The following VTCN1 variants were observed in gnomAD, a reference collection of about 807,000 sequenced individuals.
The protein encoded by VTCN1 is V-set domain-containing T-cell activation inhibitor 1.
A neutral mutation model predicts 26.5 loss-of-function variants in VTCN1; 26 were observed. The ratio of observed to expected loss-of-function variants is 0.98; its 90% CI spans 0.72 to 1.36. VTCN1 has a LOEUF of 1.36. Among genes scored for constraint, VTCN1 ranks in the 40% most tolerant of loss-of-function variants. The pLI is 0.00. For synonymous variants in VTCN1, 116 were observed against 130.7 expected (o/e 0.89, Z 0.77); for missense variants, 298 against 337.7 (o/e 0.88, Z 0.92).
intron 1 of VTCN1, among the ~76,000 whole-genome samples, chr1:117,205,089 ATG>A (rs1329051692): frequency 3.5e-4 from 2 of 5,794 alleles, no homozygotes; most frequent in East Asian, 0.019. Flanking sequence ...ATGTATATGT[ATG>A]TATGTATATG....
At chr1:117,196,984 T>C (rs1210507266) in intron 1 of VTCN1, among the ~76,000 whole-genome samples, 1 of 152,198 alleles carries the variant, frequency 6.6e-6, no homozygotes, top group African/African-American at 2.4e-5. Context: ...GCCACCATCT[T>C]GCAGCTCACT....
chr1:117,192,961 ATAT>A (rs1648317077), intron 1 of VTCN1, among the ~76,000 whole-genome samples: 1 of 152,124 alleles, frequency 6.6e-6, no homozygotes, highest in South Asian at 2.1e-4. Flanking sequence ...TATGTATCAA[ATAT>A]TAATATATTA....
At chr1:117,178,782 GGTTTCACTAT>G in intron 1 of VTCN1, among the ~76,000 whole-genome samples, 1 of 151,718 alleles carries the variant, frequency 6.6e-6, no homozygotes, top group South Asian at 2.1e-4. Context: ...GTAGAGACAG[GGTTTCACTAT>G]GTGGCCCAAG....
chr1:117,198,246 T>C (rs999397805), intron 1 of VTCN1, among the ~76,000 whole-genome samples: 1 of 152,190 alleles, frequency 6.6e-6, no homozygotes, highest in Non-Finnish European at 1.5e-5. Flanking sequence ...TGCACAGTGA[T>C]GTCAAAATGC....
At chr1:117,171,270 T>C (rs1652905134) in intron 1 of VTCN1, among the ~76,000 whole-genome samples, 1 of 152,226 alleles carries the variant, frequency 6.6e-6, no homozygotes, top group Non-Finnish European at 1.5e-5. Context: ...ACATTTGGGT[T>C]GGTTCCAAGT....
chr1:117,180,420 C>T (rs1647618751), intron 1 of VTCN1, among the ~76,000 whole-genome samples: 1 of 152,150 alleles, frequency 6.6e-6, no homozygotes, highest in African/African-American at 2.4e-5. Flanking sequence ...GTAATCATAC[C>T]TGTGTTTCCT....
At chr1:117,174,554 G>T (rs889704030) in intron 1 of VTCN1, among the ~76,000 whole-genome samples, 4 of 152,184 alleles carry the variant, frequency 2.6e-5, no homozygotes, top group Non-Finnish European at 4.4e-5. Context: ...ATTACCTGAG[G>T]TCAGGAGTTC....
chr1:117,183,604 C>T lies in VTCN1; in HGVS notation c.33-13433G>A, dbSNP rs954520414. Among the ~76,000 whole-genome samples the T allele has an allele frequency of 6.6e-6, 1 of 152,238 alleles. No homozygotes were observed. The highest frequency in any genetic ancestry group is 2.4e-5 in the African/African-American group (1 of 41,542). On this transcript the variant is annotated intron_variant, in intron 1 of 5. Coordinates refer to ENST00000369458, the MANE Select transcript of VTCN1 (RefSeq NM_024626.4). The surrounding 1 kb of genome is among the most constrained non-coding windows in gnomAD (Gnocchi z 4.1). ...GACCTAGAGATTCATAATAGCTGTG[C>T]TTGAATACTTGTTAAACTTGAGTCC...
intron 2 of VTCN1, 77 bp from the exon 3 acceptor site, chr1:117,156,998 C>T: frequency 6.2e-7 from 1 of 1,607,550 alleles, no homozygotes; most frequent in Non-Finnish European, 8.5e-7. Flanking sequence ...TTGCTGAAAG[C>T]CAGACAGAGA....
At chr1:117,187,235 C>A (rs978462178) in intron 1 of VTCN1, among the ~76,000 whole-genome samples, 5 of 140,584 alleles carry the variant, frequency 3.6e-5, no homozygotes, top group Non-Finnish European at 6.0e-5. Context: ...TGCTTGAGCC[C>A]AGGAGGCAGA....
chr1:117,185,945 C>T (rs1304040310), intron 1 of VTCN1, among the ~76,000 whole-genome samples: 1 of 152,200 alleles, frequency 6.6e-6, no homozygotes, highest in Non-Finnish European at 1.5e-5. Flanking sequence ...ACCCTAACCA[C>T]CTTGGGCACA....
At chr1:117,177,004 C>G (rs989391349) in intron 1 of VTCN1, among the ~76,000 whole-genome samples, 12 of 152,086 alleles carry the variant, frequency 7.9e-5, no homozygotes, top group African/African-American at 2.9e-4. Context: ...GAGGCTGAGG[C>G]AGGATAATCG....
At chr1:117,207,581 T>A (rs2101612845) in intron 1 of VTCN1, among the ~76,000 whole-genome samples, 1 of 152,240 alleles carries the variant, frequency 6.6e-6, no homozygotes, top group Non-Finnish European at 1.5e-5. Context: ...CTATTGACAC[T>A]AGATGTCTAT....
rs558987466 is a variant in VTCN1, at chr1:117,175,646, C to T, written c.33-5475G>A. On this transcript the variant is annotated intron_variant, in intron 1 of 5. Transcript: ENST00000369458. This position sits in a 1 kb window ranked among gnomAD's most constrained non-coding sequence, Gnocchi z 4.2. The stretch of plus-strand genomic sequence containing the variant: ...GTCCATGTTGTCCTGCCATCATTCC[C>T]GTTTTGCAACCACACATGAGCTCAT... 7.9e-4 allele frequency among the ~76,000 whole-genome samples: 120 copies of T among 152,262 alleles called. No homozygotes were observed. The Middle Eastern group carries it at 0.017, about 22-fold the overall frequency.
At chr1:117,165,869 C>A (rs894359428) in intron 2 of VTCN1, among the ~76,000 whole-genome samples, 2 of 152,160 alleles carry the variant, frequency 1.3e-5, no homozygotes, top group African/African-American at 4.8e-5. Context: ...TTATTGAATT[C>A]ATTTAAAATG....
chr1:117,161,407 C>A lies in VTCN1; in HGVS notation c.98-4486G>T, dbSNP rs1652363108. On this transcript the variant is annotated intron_variant, in intron 2 of 5. Coordinates refer to ENST00000369458, the MANE Select transcript of VTCN1 (RefSeq NM_024626.4). The surrounding 1 kb of genome is among the most constrained non-coding windows in gnomAD (Gnocchi z 4.3). The stretch of plus-strand genomic sequence containing the variant: ...TCCCATGAAATCCTCTTTTAATTCA[C>A]CAAAGGAAAAATTAGTAGATTCTCT... Among the ~76,000 whole-genome samples the A allele has an allele frequency of 6.6e-6, 1 of 152,154 alleles. No individual in the cohort carries two copies. The highest frequency in any genetic ancestry group is 2.4e-5 in the African/African-American group (1 of 41,436).
At chr1:117,203,004 T>C (rs1157455987) in intron 1 of VTCN1, among the ~76,000 whole-genome samples, 2 of 151,980 alleles carry the variant, frequency 1.3e-5, no homozygotes, top group African/African-American at 4.8e-5. Flanking sequence ...AGAGGAGAGA[T>C]TGATGATGTC....
In VTCN1 at chr1:117,170,175, C is replaced by A. The variant is rs374191577; in HGVS notation, c.33-4G>T. 3 of 1,613,294 alleles carry A rather than the reference C, an allele frequency of 1.9e-6. No homozygotes were observed. The highest frequency in any genetic ancestry group is 1.7e-5 in the Admixed American group (1 of 60,004). On this transcript the variant is annotated splice_region_variant and splice_polypyrimidine_tract_variant and intron_variant, in intron 1 of 5. Transcript: ENST00000369458. Reference sequence around the variant, plus strand: ...AATAATGATGATGCTAATTATGCTACGGGAAGAGAGAGAGAAACAGAAAAT... The same window carrying A: ...AATAATGATGATGCTAATTATGCTAAGGGAAGAGAGAGAGAAACAGAAAAT...
intron 2 of VTCN1, among the ~76,000 whole-genome samples, chr1:117,165,361 G>T (rs1237392811): frequency 6.6e-6 from 1 of 152,302 alleles, no homozygotes; most frequent in African/African-American, 2.4e-5. Flanking sequence ...TCATGATAAA[G>T]TTTAGATATT....
Sources: allele counts gnomAD v4.1 joint callset (sites outside exome capture counted in the v4.1 genomes callset), GRCh38; gene constraint gnomAD v4.1.1; non-coding constraint Gnocchi (gnomAD v3.1); transcripts MANE v1.5; gene names NCBI Gene and HGNC (gene_info 2026-07-23, HGNC 2026-07-21).